The following CELSR1 variants were observed in gnomAD, a reference collection of about 807,000 sequenced individuals.
The protein encoded by CELSR1 is adhesion G protein-coupled receptor C1.
A neutral mutation model predicts 249.1 loss-of-function variants in CELSR1; 110 were observed. The observed-to-expected ratio is 0.44, with a 90% CI of 0.38 to 0.52. The LOEUF (loss-of-function observed/expected upper bound fraction) is 0.52. Ranked by LOEUF, CELSR1 falls within the 20% of genes least tolerant of loss-of-function variation. CELSR1 has a pLI of 0.00. For synonymous variants in CELSR1, 2,113 were observed against 1,900.0 expected (o/e 1.11, Z -2.92); for missense variants, 4,109 against 4,296.4 (o/e 0.96, Z 1.22).
At chr22:46,420,405 CG>C (rs1190871668) in intron 5 of CELSR1, among the ~76,000 whole-genome samples, 1 of 151,982 alleles carries the variant, frequency 6.6e-6, no homozygotes, top group Non-Finnish European at 1.5e-5. Context: ...CACATTTACA[CG>C]TGTGCTTCTT....
At chr22:46,509,053 A>G (rs998668583) in intron 1 of CELSR1, among the ~76,000 whole-genome samples, 5 of 152,302 alleles carry the variant, frequency 3.3e-5, no homozygotes, top group African/African-American at 1.2e-4. Context: ...TAAAGGCGTC[A>G]TCATCACACG....
intron 1 of CELSR1, among the ~76,000 whole-genome samples, chr22:46,502,780 ACTCT>A (rs933848283): frequency 5.9e-5 from 9 of 151,590 alleles, no homozygotes; most frequent in African/African-American, 2.2e-4. Context: ...CACTCTCCTG[ACTCT>A]CTCTAACTGT....
chr22:46,390,857 C>G lies in CELSR1; in HGVS notation c.6250+329G>C, dbSNP rs900115600. Among the ~76,000 whole-genome samples the G allele has an allele frequency of 2.6e-5, 4 of 152,236 alleles. No homozygotes were observed. The highest frequency in any genetic ancestry group is 4.8e-5 in the African/African-American group (2 of 41,454). On this transcript the variant is annotated intron_variant, in intron 16 of 34. Coordinates refer to ENST00000674500, the MANE Select transcript of CELSR1 (RefSeq NM_001378328.1). The surrounding 1 kb of genome is among the most constrained non-coding windows in gnomAD (Gnocchi z 6.3). ...CCAGACGCCCCTCACAGAGTGGACA[C>G]AGTCAATGTCCCCATTTCACAGAGG...
intron 5 of CELSR1, among the ~76,000 whole-genome samples, chr22:46,420,026 T>C (rs142452854): frequency 6.7e-6 from 1 of 149,506 alleles, no homozygotes; most frequent in Non-Finnish European, 1.5e-5. Context: ...CCACGTGCAC[T>C]TACCGACACT....
At chr22:46,443,739 T>G (rs1406988085) in intron 2 of CELSR1, among the ~76,000 whole-genome samples, 1 of 152,196 alleles carries the variant, frequency 6.6e-6, no homozygotes, top group Non-Finnish European at 1.5e-5. Context: ...GATGCATACC[T>G]GCACACCCAG....
In CELSR1 at chr22:46,433,536, G is replaced by A. The variant is rs1030948531; in HGVS notation, c.4523-55C>T. On this transcript the variant is annotated intron_variant, in intron 4 of 34. Coordinates refer to ENST00000674500, the MANE Select transcript of CELSR1 (RefSeq NM_001378328.1). This position sits in a 1 kb window ranked among gnomAD's most constrained non-coding sequence, Gnocchi z 5.7. ...AAACAGGGGTTGGCGGGGCCTACTG[G>A]GGACCGAGGATTGCGCTGTGAGGCA... 1.4e-6 allele frequency: 2 copies of A among 1,420,806 alleles called. No homozygotes were observed. The highest frequency in any genetic ancestry group is 1.4e-5 in the African/African-American group (1 of 70,598). 88.0% of individuals were successfully genotyped at this position (1,420,806 alleles called of 1,614,324 possible).
rs552390862 is a variant in CELSR1 at position 46,506,500 on chromosome 22, G to T, written c.3544+27127C>A. ...GTCCAGCCCAACCGGCCCTGCCTCA[G>T]GTCTGCGTTCTGCCAGCCTCAGCCC... On this transcript the variant is annotated intron_variant, in intron 1 of 34. Coordinates refer to ENST00000674500, the MANE Select transcript of CELSR1 (RefSeq NM_001378328.1). The surrounding 1 kb of genome is among the most constrained non-coding windows in gnomAD (Gnocchi z 4.1). Among the ~76,000 whole-genome samples the T allele has an allele frequency of 5.3e-5, 8 of 152,264 alleles. No homozygotes were observed. The South Asian group carries it at 1.7e-3, about 32-fold the overall frequency.
intron 3 of CELSR1, 66 bp downstream of exon 3, chr22:46,439,123 G>A (rs1242548644): frequency 7.8e-6 from 11 of 1,417,086 alleles, no homozygotes; most frequent in Middle Eastern, 1.8e-4. Context: ...GAGGGATGGG[G>A]TGCACGGAGA....
chr22:46,486,502 C>G (rs1300537100), intron 1 of CELSR1, among the ~76,000 whole-genome samples: 1 of 151,782 alleles, frequency 6.6e-6, no homozygotes, highest in Non-Finnish European at 1.5e-5. Flanking sequence ...GAGCCAAGAT[C>G]ATGCCCCTGT....
chr22:46,521,760 T>C (rs2080688376), intron 1 of CELSR1, among the ~76,000 whole-genome samples: 1 of 152,000 alleles, frequency 6.6e-6, no homozygotes, highest in Non-Finnish European at 1.5e-5. Flanking sequence ...GAGGCCGCAG[T>C]GAGCCAAGAT....
Position 46,409,094 on chromosome 22 carries a change from AGAT to A in CELSR1, c.5125_5127del (p.Ile1709del). 2.5e-6 allele frequency: 4 copies of A among 1,611,774 alleles called. No individual in the cohort carries two copies. Among genetic ancestry groups the A allele is most frequent in the Non-Finnish European group, 3.4e-6 (4 of 1,179,234 alleles). Reference sequence around the variant, plus strand: ...ATGAGCCCCAGGTACCAGGGCACAGAGATGATGATGTTCAGGTCACTCCAGGAC... The same window carrying A: ...ATGAGCCCCAGGTACCAGGGCACAGAGATGATGTTCAGGTCACTCCAGGAC... On this transcript the variant is annotated inframe_deletion, in exon 9 of 35. Coordinates refer to ENST00000674500, the MANE Select transcript of CELSR1 (RefSeq NM_001378328.1). This position sits in a 1 kb window ranked among gnomAD's most constrained non-coding sequence, Gnocchi z 9.8.
At position 46,398,467 on chromosome 22, in the gene CELSR1, C is replaced by T. The variant is rs2079174803; in HGVS notation, c.5526+57G>A. ...ACGGAACCACCTATGGTGCTGCCAGCCTCGGAGCTGCCTGTGAGGGGCAGG... is the reference window on the plus strand; with the variant it reads ...ACGGAACCACCTATGGTGCTGCCAGTCTCGGAGCTGCCTGTGAGGGGCAGG... On this transcript the variant is annotated intron_variant, in intron 11 of 34. Coordinates refer to ENST00000674500, the MANE Select transcript of CELSR1 (RefSeq NM_001378328.1). This position sits in a 1 kb window ranked among gnomAD's most constrained non-coding sequence, Gnocchi z 7.2. The T allele has an allele frequency of 6.2e-6, 8 of 1,297,926 alleles. No individual in the cohort carries two copies. The highest frequency in any genetic ancestry group is 1.9e-4 in the Middle Eastern group (1 of 5,296). The allele number at this position is 1,297,926 out of a possible 1,614,324, so 80.4% of individuals were successfully genotyped here.
intron 1 of CELSR1, among the ~76,000 whole-genome samples, chr22:46,521,338 T>TA (rs1490048388): frequency 6.6e-6 from 1 of 151,896 alleles, no homozygotes; most frequent in East Asian, 1.9e-4. Context: ...ATCCCGTCTC[T>TA]ACTAAAAATT....
intron 19 of CELSR1, 133 bp downstream of exon 19, chr22:46,386,269 C>T (rs1602058235): frequency 9.6e-7 from 1 of 1,045,468 alleles, no homozygotes. Flanking sequence ...TGTGCCCGGC[C>T]TCACAATCAT....
intron 1 of CELSR1, among the ~76,000 whole-genome samples, chr22:46,479,385 G>A (rs1019979677): frequency 6.6e-6 from 1 of 152,108 alleles, no homozygotes; most frequent in East Asian, 2.0e-4. Flanking sequence ...AGCTGCCAGG[G>A]GAAAACTGTC....
chr22:46,489,491 T>C (rs2080347133), intron 1 of CELSR1, among the ~76,000 whole-genome samples: 1 of 151,836 alleles, frequency 6.6e-6, no homozygotes, highest in Non-Finnish European at 1.5e-5. Flanking sequence ...CATCCACTGC[T>C]TGGATTCTGA....
rs931615277 is a variant in CELSR1 at position 46,406,764 on chromosome 22, G to A, written c.5226+2232C>T. Among the ~76,000 whole-genome samples the A allele has an allele frequency of 1.8e-4, 28 of 152,204 alleles. No individual in the cohort carries two copies. The highest frequency in any genetic ancestry group is 5.8e-4 in the African/African-American group (24 of 41,444). ...AAGAGCCTCTACGCCTCAGTTTCCC[G>A]TGTGTGGAACGAGAGCTTGGAGCAG... is the stretch of plus-strand genomic sequence containing the variant. On this transcript the variant is annotated intron_variant, in intron 9 of 34. Coordinates refer to ENST00000674500, the MANE Select transcript of CELSR1 (RefSeq NM_001378328.1). The surrounding 1 kb of genome is among the most constrained non-coding windows in gnomAD (Gnocchi z 5.4).
intron 1 of CELSR1, among the ~76,000 whole-genome samples, chr22:46,511,766 G>C (rs1039063144): frequency 2.0e-5 from 3 of 152,182 alleles, no homozygotes; most frequent in African/African-American, 7.2e-5. Flanking sequence ...AGAAGAGTAA[G>C]AGGGTGAGAT....
At chr22:46,384,416 A>G in intron 20 of CELSR1, 127 bp downstream of exon 20, 1 of 1,134,096 alleles carries the variant, frequency 8.8e-7, no homozygotes, top group Non-Finnish European at 1.2e-6. Context: ...ACCTGGCACC[A>G]GAGAGCACTC....
Sources: allele counts gnomAD v4.1 joint callset (sites outside exome capture counted in the v4.1 genomes callset), GRCh38; gene constraint gnomAD v4.1.1; non-coding constraint Gnocchi (gnomAD v3.1); transcripts MANE v1.5; gene names NCBI Gene and HGNC (gene_info 2026-07-23, HGNC 2026-07-21).